The following TMC1 variants were observed in gnomAD, a reference collection of about 807,000 sequenced individuals.
TMC1 encodes transmembrane channel like 1, also known as transmembrane channel-like protein 1.
A neutral mutation model predicts 105.8 loss-of-function variants in TMC1; 84 were observed. That is an observed-to-expected ratio of 0.79 (90% CI 0.67 to 0.95). The LOEUF (loss-of-function observed/expected upper bound fraction) is 0.95, where lower values mean the gene tolerates loss of function less well. TMC1 is among the 40% of genes least tolerant of loss of function. TMC1 has a pLI of 0.00. For synonymous variants in TMC1, 315 were observed against 311.5 expected (o/e 1.01, Z -0.12); for missense variants, 817 against 914.1 (o/e 0.89, Z 1.37).
At chr9:72,605,816 T>G (rs1428307412) in intron 2 of TMC1, among the ~76,000 whole-genome samples, 3 of 152,114 alleles carry the variant, frequency 2.0e-5, no homozygotes, top group African/African-American at 7.2e-5. Flanking sequence ...CCTCAAGTTA[T>G]CCACCTGCCT....
chr9:72,781,065 C>T (rs1030564697), intron 13 of TMC1, among the ~76,000 whole-genome samples: 1 of 152,104 alleles, frequency 6.6e-6, no homozygotes, highest in Non-Finnish European at 1.5e-5. Flanking sequence ...CACATGCTCA[C>T]TCATAAAGCA....
intron 17 of TMC1, among the ~76,000 whole-genome samples, chr9:72,798,247 A>G (rs1191275231): frequency 6.6e-6 from 1 of 152,174 alleles, no homozygotes; most frequent in Admixed American, 6.5e-5. Context: ...AGAAAAAGGA[A>G]CATTTATACA....
intron 2 of TMC1, among the ~76,000 whole-genome samples, chr9:72,596,255 C>T (rs1322513877): frequency 6.6e-6 from 1 of 152,184 alleles, no homozygotes; most frequent in African/African-American, 2.4e-5. Flanking sequence ...ACCTTCTCTG[C>T]AGGACCCAGT....
At chr9:72,559,130 C>T (rs369282884) in intron 1 of TMC1, among the ~76,000 whole-genome samples, 2 of 148,482 alleles carry the variant, frequency 1.3e-5, no homozygotes, top group South Asian at 2.1e-4. Flanking sequence ...AGTCTTGCTT[C>T]GTCGCCCAGG....
chr9:72,644,302 G>T (rs2120807), intron 4 of TMC1, among the ~76,000 whole-genome samples: 1 of 151,202 alleles, frequency 6.6e-6, no homozygotes, highest in African/African-American at 2.4e-5. Flanking sequence ...TTTTTATTTT[G>T]TGGATTGGAC....
At chr9:72,791,275 A>T (rs557164375) in intron 15 of TMC1, among the ~76,000 whole-genome samples, 4 of 150,922 alleles carry the variant, frequency 2.7e-5, no homozygotes, top group Non-Finnish European at 5.9e-5. Context: ...AAACTTTTCT[A>T]CGTTGGCTTC....
intron 5 of TMC1, among the ~76,000 whole-genome samples, chr9:72,660,967 A>G (rs1188144883): frequency 6.6e-6 from 1 of 152,066 alleles, no homozygotes; most frequent in African/African-American, 2.4e-5. Context: ...TGGCTAACAC[A>G]GTTAAACCCT....
At chr9:72,725,416 G>A (rs1033473806) in intron 8 of TMC1, among the ~76,000 whole-genome samples, 1 of 141,256 alleles carries the variant, frequency 7.1e-6, no homozygotes, top group Admixed American at 7.4e-5. Flanking sequence ...AGTTTATTAA[G>A]TATTAACTTA....
intron 8 of TMC1, among the ~76,000 whole-genome samples, chr9:72,737,867 T>G (rs1416731609): frequency 6.6e-6 from 1 of 152,214 alleles, no homozygotes; most frequent in Non-Finnish European, 1.5e-5. Flanking sequence ...GTTTTTCAAC[T>G]AATTTTACCA....
chr9:72,606,994 T>TAGAGAGAGAGAG (rs1406616090), intron 2 of TMC1, among the ~76,000 whole-genome samples: 23 of 87,572 alleles, frequency 2.6e-4, no homozygotes, highest in Non-Finnish European at 5.4e-4. Context: ...TATATATATA[T>TAGAGAGAGAGAG]ATATATATAG....
intron 5 of TMC1, among the ~76,000 whole-genome samples, chr9:72,686,209 C>T (rs1220516347): frequency 1.3e-5 from 2 of 152,100 alleles, no homozygotes; most frequent in Admixed American, 6.6e-5. Flanking sequence ...CTTCACTATC[C>T]TCCCATCACT....
At chr9:72,638,123 C>A (rs539864004) in intron 4 of TMC1, among the ~76,000 whole-genome samples, 67 of 152,196 alleles carry the variant, frequency 4.4e-4, no homozygotes, top group Middle Eastern at 3.4e-3. Context: ...AAGGTCCTAT[C>A]CTGGTCTCCT....
chr9:72,796,875 C>T (rs143877650), intron 17 of TMC1, among the ~76,000 whole-genome samples: 14,033 of 151,986 alleles, frequency 0.092, 712 homozygotes, highest in Non-Finnish European at 0.13. Context: ...CTGGCCAGGG[C>T]AATCAGGCAA....
chr9:72,758,443 CA>C (rs1827705118), intron 12 of TMC1, among the ~76,000 whole-genome samples: 1 of 152,014 alleles, frequency 6.6e-6, no homozygotes, highest in African/African-American at 2.4e-5. Flanking sequence ...AGTAAAAATC[CA>C]AAAGAATAAA....
intron 10 of TMC1, among the ~76,000 whole-genome samples, chr9:72,750,633 C>T (rs762313205): frequency 6.6e-5 from 10 of 152,004 alleles, no homozygotes; most frequent in Non-Finnish European, 1.5e-4. Context: ...ACATTCTTGC[C>T]TATTGCCTAT....
intron 2 of TMC1, among the ~76,000 whole-genome samples, chr9:72,580,073 G>A (rs548848080): frequency 3.3e-4 from 51 of 152,268 alleles, no homozygotes; most frequent in Middle Eastern, 3.4e-3. Context: ...TTAAAAGAGC[G>A]TGGTCCGTGG....
chr9:72,705,083 A>G (rs1170217993), intron 8 of TMC1, among the ~76,000 whole-genome samples: 4 of 152,210 alleles, frequency 2.6e-5, no homozygotes, highest in Non-Finnish European at 5.9e-5. Context: ...TAAGCTGTTC[A>G]TGGGTTTAAT....
intron 3 of TMC1, among the ~76,000 whole-genome samples, chr9:72,623,779 AT>A (rs1187345734): frequency 6.6e-6 from 1 of 152,152 alleles, no homozygotes; most frequent in Non-Finnish European, 1.5e-5. Context: ...TTACCAGGCT[AT>A]TCCATCATTT....
chr9:72,657,926 A>G (rs1825908148), intron 5 of TMC1, among the ~76,000 whole-genome samples: 1 of 152,202 alleles, frequency 6.6e-6, no homozygotes, highest in Non-Finnish European at 1.5e-5. Flanking sequence ...TTTTAGTACT[A>G]ATTTAAATAT....
Sources: allele counts gnomAD v4.1 joint callset (sites outside exome capture counted in the v4.1 genomes callset), GRCh38; gene constraint gnomAD v4.1.1; transcripts MANE v1.5; gene names NCBI Gene and HGNC (gene_info 2026-07-23, HGNC 2026-07-21).